Variants in PTPRG observed in about 807,000 individuals in gnomAD.
The protein encoded by PTPRG is protein tyrosine phosphatase receptor type G.
Under a neutral mutation model 165.3 loss-of-function variants are expected in PTPRG, and 102 were observed. The ratio of observed to expected loss-of-function variants is 0.62; its 90% CI spans 0.53 to 0.73. The LOEUF is 0.73. Ranked by LOEUF, PTPRG falls within the 30% of genes least tolerant of loss-of-function variation. The pLI is 0.00. For synonymous variants in PTPRG, 675 were observed against 669.5 expected, an observed-to-expected ratio of 1.01 and a Z score of -0.13; for missense variants, 1,866 against 1,861.4, an observed-to-expected ratio of 1.00 and a Z score of -0.05.
At chr3:61,818,824 AAGTGAAAT>A (rs143474837) in intron 2 of PTPRG, among the ~76,000 whole-genome samples, 61 of 150,026 alleles carry the variant, frequency 4.1e-4, no homozygotes, top group African/African-American at 1.1e-3. Flanking sequence ...GGGCCCTTTA[AAGTGAAAT>A]AGTGAAATAG....
At chr3:61,564,775 C>A (rs997599843) in intron 1 of PTPRG, among the ~76,000 whole-genome samples, 1 of 152,168 alleles carries the variant, frequency 6.6e-6, no homozygotes, top group African/African-American at 2.4e-5. Context: ...TGGTCGGCCT[C>A]GGCCACCTCC....
At chr3:61,813,474 C>G (rs1173729511) in intron 2 of PTPRG, among the ~76,000 whole-genome samples, 1 of 145,504 alleles carries the variant, frequency 6.9e-6, no homozygotes, top group African/African-American at 2.6e-5. Flanking sequence ...TGAGATCGTG[C>G]CACTGCACTC....
chr3:61,984,291 A>T (rs993999577), intron 2 of PTPRG, among the ~76,000 whole-genome samples: 1 of 152,196 alleles, frequency 6.6e-6, no homozygotes, highest in Non-Finnish European at 1.5e-5. Context: ...AGCTTTAAAA[A>T]CTGAATTTCT....
At chr3:62,078,775 A>G (rs906087364) in intron 5 of PTPRG, among the ~76,000 whole-genome samples, 3 of 152,132 alleles carry the variant, frequency 2.0e-5, no homozygotes, top group Admixed American at 1.3e-4. Flanking sequence ...CTCTTTTAAT[A>G]TGATTGTGTT....
intron 4 of PTPRG, among the ~76,000 whole-genome samples, chr3:62,064,712 G>A (rs921096276): frequency 2.1e-5 from 3 of 144,400 alleles, no homozygotes; most frequent in African/African-American, 7.7e-5. Flanking sequence ...TTACTTACTG[G>A]TTATTTGGAT....
intron 1 of PTPRG, among the ~76,000 whole-genome samples, chr3:61,604,591 A>G (rs1267587124): frequency 2.6e-5 from 4 of 152,162 alleles, no homozygotes; most frequent in African/African-American, 9.6e-5. Context: ...TGTAAGTACC[A>G]TTTTTTCCAT....
chr3:62,067,898 C>T lies in PTPRG; in HGVS notation c.520-10265C>T, dbSNP rs543197447. Among the ~76,000 whole-genome samples the T allele has an allele frequency of 8.5e-5, 13 of 152,296 alleles. 1 individual carries two copies. Among genetic ancestry groups the T allele is most frequent in the Admixed American group, 4.6e-4 (7 of 15,298 alleles). On this transcript the variant is annotated intron_variant, in intron 4 of 29. Coordinates refer to ENST00000474889, the MANE Select transcript of PTPRG (RefSeq NM_002841.4). ...AATGTCTCTAGACATGGCCATATTT[C>T]CACTGGGGTACAGAATCACCCCATG...
At chr3:62,178,825 T>C (rs983853488) in intron 8 of PTPRG, among the ~76,000 whole-genome samples, 3 of 152,246 alleles carry the variant, frequency 2.0e-5, no homozygotes, top group Non-Finnish European at 4.4e-5. Context: ...CTTTGCTCAC[T>C]AGAAAAATCT....
intron 9 of PTPRG, among the ~76,000 whole-genome samples, chr3:62,192,551 T>C (rs1470319993): frequency 6.6e-6 from 1 of 151,714 alleles, no homozygotes; most frequent in Non-Finnish European, 1.5e-5. Flanking sequence ...TGGGACTACA[T>C]GCATCCGCCA....
At chr3:61,920,991 A>T (rs1007404446) in intron 2 of PTPRG, among the ~76,000 whole-genome samples, 11 of 152,096 alleles carry the variant, frequency 7.2e-5, no homozygotes, top group African/African-American at 2.2e-4. Context: ...GGATACCAGA[A>T]ATCTTGGCTT....
intron 2 of PTPRG, among the ~76,000 whole-genome samples, chr3:61,895,054 G>C (rs986136857): frequency 6.6e-6 from 1 of 152,140 alleles, no homozygotes; most frequent in Non-Finnish European, 1.5e-5. Flanking sequence ...GATGGACGTC[G>C]TTAAACATCC....
At chr3:61,712,589 C>T (rs1353958620) in intron 1 of PTPRG, among the ~76,000 whole-genome samples, 3 of 152,188 alleles carry the variant, frequency 2.0e-5, no homozygotes, top group Non-Finnish European at 4.4e-5. Context: ...CCTGTGCTCT[C>T]TCTTCTCCTG....
intron 4 of PTPRG, among the ~76,000 whole-genome samples, chr3:62,076,737 A>G (rs565182356): frequency 6.6e-6 from 1 of 151,644 alleles, no homozygotes; most frequent in South Asian, 2.1e-4. Flanking sequence ...ATGCACCACC[A>G]TGCCTGGCTA....
chr3:61,706,837 C>T (rs2031289695), intron 1 of PTPRG, among the ~76,000 whole-genome samples: 1 of 152,158 alleles, frequency 6.6e-6, no homozygotes, highest in Non-Finnish European at 1.5e-5. Context: ...TATATGAATA[C>T]ATTGAAGTTT....
In PTPRG at chr3:61,638,359, T is replaced by C. The variant is rs141222136; in HGVS notation, c.85+75987T>C. On this transcript the variant is annotated intron_variant, in intron 1 of 29. Transcript: ENST00000474889. The stretch of plus-strand genomic sequence containing the variant: ...TCCATTTAAGTAATGTGTAGACCCC[T>C]TTTCAAAGGGGAAAGCACCTTGCAA... Among the ~76,000 whole-genome samples, 471 of 152,126 alleles carry C rather than the reference T, an allele frequency of 3.1e-3. 5 individuals carry two copies. Among genetic ancestry groups the C allele is most frequent in the African/African-American group, 0.011 (438 of 41,496 alleles).
chr3:61,853,490 C>T (rs550512421), intron 2 of PTPRG, among the ~76,000 whole-genome samples: 5 of 152,330 alleles, frequency 3.3e-5, no homozygotes, highest in African/African-American at 1.2e-4. Context: ...TACCATTTTG[C>T]TGGCCATGTG....
chr3:61,722,079 A>C (rs555703641), intron 1 of PTPRG, among the ~76,000 whole-genome samples: 6 of 152,138 alleles, frequency 3.9e-5, no homozygotes, highest in Non-Finnish European at 8.8e-5. Context: ...AGACTGAGTA[A>C]TTTATAAGGC....
intron 4 of PTPRG, among the ~76,000 whole-genome samples, chr3:62,046,487 C>T (rs1438582646): frequency 6.6e-6 from 1 of 152,174 alleles, no homozygotes; most frequent in African/African-American, 2.4e-5. Context: ...ACTAACTGAT[C>T]ATAGAATTTT....
At chr3:61,956,691 C>G (rs2040040614) in intron 2 of PTPRG, among the ~76,000 whole-genome samples, 1 of 152,298 alleles carries the variant, frequency 6.6e-6, no homozygotes, top group Non-Finnish European at 1.5e-5. Flanking sequence ...AAATGAAAGA[C>G]TATACTAAGA....
Sources: gnomAD v4.1 joint callset for allele counts (sites outside exome capture counted in the v4.1 genomes callset) on GRCh38, gnomAD v4.1.1 for gene constraint, MANE v1.5 for transcripts, NCBI Gene and HGNC (gene_info 2026-07-23, HGNC 2026-07-21) for gene names.